Variants in RCL1 observed in about 807,000 individuals in gnomAD.
The protein encoded by RCL1 is RNA terminal phosphate cyclase like 1.
Under a neutral mutation model 42.4 loss-of-function variants are expected in RCL1, and 24 were observed. The observed-to-expected ratio is 0.57, with a 90% CI of 0.41 to 0.80. The LOEUF (loss-of-function observed/expected upper bound fraction) is 0.80, where lower values mean the gene tolerates loss of function less well. Among genes scored for constraint, RCL1 ranks in the 30% least tolerant of loss-of-function variants. RCL1 has a pLI of 0.00. For synonymous variants in RCL1, 228 were observed against 177.3 expected (o/e 1.29, Z -2.27); for missense variants, 578 against 467.9 (o/e 1.24, Z -2.17).
chr9:4,804,256 T>G (rs1022562814), intron 1 of RCL1: 7 of 152,700 alleles, frequency 4.6e-5, no homozygotes, highest in African/African-American at 1.7e-4. Context: ...ATAGTCTTGG[T>G]AAAGGAGCTG....
At chr9:4,796,050 G>T (rs1188013532) in intron 1 of RCL1, among the ~76,000 whole-genome samples, 2 of 152,184 alleles carry the variant, frequency 1.3e-5, no homozygotes, top group Non-Finnish European at 2.9e-5. Context: ...GATGGTGGCT[G>T]CGGAAATCAT....
chr9:4,849,093 A>AT (rs397770252), intron 7 of RCL1, among the ~76,000 whole-genome samples: 49,552 of 145,082 alleles, frequency 0.34, 8,572 homozygotes, highest in South Asian at 0.57. Context: ...ACTGATTAAG[A>AT]TTTTTTTTTT....
chr9:4,827,536 G>A lies in RCL1; in HGVS notation c.384+503G>A, dbSNP rs567619422. ...GGAAAAGGGCATAAAGTCAGGAAAG[G>A]AATGTGTGAGCTTTGGTAGTTTGTG... On this transcript the variant is annotated intron_variant, in intron 3 of 8. Coordinates refer to ENST00000381750, the MANE Select transcript of RCL1 (RefSeq NM_005772.5). Among the ~76,000 whole-genome samples, 215 of 152,288 alleles carry A rather than the reference G, an allele frequency of 1.4e-3. 2 individuals carry two copies. Among genetic ancestry groups the A allele is most frequent in the African/African-American group, 4.9e-3 (203 of 41,560 alleles).
At chr9:4,803,335 A>G (rs1423704594) in intron 1 of RCL1, among the ~76,000 whole-genome samples, 2 of 152,258 alleles carry the variant, frequency 1.3e-5, no homozygotes, top group Non-Finnish European at 2.9e-5. Flanking sequence ...CATTTTCTGT[A>G]TCTGAATTTC....
intron 1 of RCL1, among the ~76,000 whole-genome samples, chr9:4,808,678 T>C (rs1434321167): frequency 6.6e-6 from 1 of 152,184 alleles, no homozygotes; most frequent in African/African-American, 2.4e-5. Flanking sequence ...ATTGTGTTCA[T>C]GAGGACTAGT....
chr9:4,848,859 G>A (rs1817611584), intron 7 of RCL1, among the ~76,000 whole-genome samples: 1 of 152,146 alleles, frequency 6.6e-6, no homozygotes, highest in Non-Finnish European at 1.5e-5. Flanking sequence ...AGAATAAAGG[G>A]ATCTAACCTT....
At chr9:4,802,074 A>ATTTTTTTTTTTT (rs34756856) in intron 1 of RCL1, among the ~76,000 whole-genome samples, 117 of 95,424 alleles carry the variant, frequency 1.2e-3, no homozygotes, top group Middle Eastern at 8.3e-3. Flanking sequence ...ACGCCTGGCT[A>ATTTTTTTTTTTT]TTTTTTTTTT....
intron 8 of RCL1, among the ~76,000 whole-genome samples, chr9:4,853,174 A>C (rs1817810986): frequency 6.6e-6 from 1 of 152,080 alleles, no homozygotes; most frequent in Non-Finnish European, 1.5e-5. Flanking sequence ...TAAGGGCAAA[A>C]AAGGCAAGTA....
chr9:4,803,923 C>T (rs1336223723), intron 1 of RCL1: 1 of 152,670 alleles, frequency 6.6e-6, no homozygotes, highest in African/African-American at 2.4e-5. Flanking sequence ...CAGATTTCCA[C>T]TCACGGCCAT....
intron 4 of RCL1, 55 bp from the exon 5 acceptor site, chr9:4,834,086 G>C: frequency 1.9e-6 from 3 of 1,585,440 alleles, no homozygotes; most frequent in East Asian, 4.6e-5. Context: ...CAGGGTGTCA[G>C]GGTAATCCAT....
At chr9:4,820,738 C>T (rs920855115) in intron 1 of RCL1, among the ~76,000 whole-genome samples, 1 of 152,124 alleles carries the variant, frequency 6.6e-6, no homozygotes, top group African/African-American at 2.4e-5. Context: ...TTCTATAAAC[C>T]TAAGTAGAAA....
At chr9:4,849,217 G>A (rs757331757) in intron 7 of RCL1, among the ~76,000 whole-genome samples, 1 of 144,726 alleles carries the variant, frequency 6.9e-6, no homozygotes, top group Admixed American at 7.2e-5. Context: ...GAATCTGATA[G>A]TCTCATTCTG....
At chr9:4,798,767 C>T (rs971925211) in intron 1 of RCL1, among the ~76,000 whole-genome samples, 21 of 152,134 alleles carry the variant, frequency 1.4e-4, no homozygotes, top group African/African-American at 5.1e-4. Flanking sequence ...AACTTTACTA[C>T]TAACTGTAGA....
At chr9:4,803,848 C>A in intron 1 of RCL1, 1 of 162,146 alleles carries the variant, frequency 6.2e-6, no homozygotes. Context: ...GGTTGTACTT[C>A]TGGCATTGGA....
intron 2 of RCL1, among the ~76,000 whole-genome samples, chr9:4,826,221 G>C (rs1412948851): frequency 6.6e-6 from 1 of 152,120 alleles, no homozygotes; most frequent in Non-Finnish European, 1.5e-5. Flanking sequence ...ACTCCAGCTT[G>C]GGGGACAGAG....
chr9:4,836,766 T>C (rs1375238588), intron 5 of RCL1: 5 of 152,386 alleles, frequency 3.3e-5, no homozygotes, highest in Non-Finnish European at 7.3e-5. Context: ...GCTTGAACAG[T>C]AAGTGGTGAA....
chr9:4,823,532 T>C lies in RCL1; in HGVS notation c.137-16T>C. On this transcript the variant is annotated splice_polypyrimidine_tract_variant and intron_variant, in intron 1 of 8. Transcript: ENST00000381750. ...GTCTGTCTTCTCTTTTCTTCACAGA[T>C]TTTTTTTCTTCACAGATTTTGAAGC... is the stretch of plus-strand genomic sequence containing the variant. The C allele has an allele frequency of 6.3e-7, 1 of 1,596,020 alleles. No homozygotes were observed. Among genetic ancestry groups the C allele is most frequent in the Non-Finnish European group, 8.6e-7 (1 of 1,167,942 alleles).
At chr9:4,859,278 T>A (rs1335389920) in intron 8 of RCL1, among the ~76,000 whole-genome samples, 1 of 152,200 alleles carries the variant, frequency 6.6e-6, no homozygotes, top group African/African-American at 2.4e-5. Context: ...CCACCTTATT[T>A]AATATTGCCT....
At chr9:4,847,550 G>T (rs1817564885) in intron 7 of RCL1, among the ~76,000 whole-genome samples, 1 of 152,078 alleles carries the variant, frequency 6.6e-6, no homozygotes, top group Admixed American at 6.5e-5. Context: ...CTGCCTCCCT[G>T]CTCCACTCCA....
Sources: gnomAD v4.1 joint callset for allele counts (sites outside exome capture counted in the v4.1 genomes callset) on GRCh38, gnomAD v4.1.1 for gene constraint, MANE v1.5 for transcripts, NCBI Gene and HGNC (gene_info 2026-07-23, HGNC 2026-07-21) for gene names.